The following KCNJ3 variants were observed in gnomAD, a reference collection of about 807,000 sequenced individuals.
KCNJ3 encodes the protein potassium inwardly rectifying channel subfamily J member 3.
A neutral mutation model predicts 39.2 loss-of-function variants in KCNJ3; 4 were observed. The observed-to-expected ratio is 0.10, with a 90% CI of 0.05 to 0.23. The LOEUF (loss-of-function observed/expected upper bound fraction) is 0.23. KCNJ3 is among the 10% of genes least tolerant of loss of function. KCNJ3 has a pLI of 1.00. For synonymous variants in KCNJ3, 230 were observed against 237.4 expected (o/e 0.97, Z 0.29); for missense variants, 276 against 634.9 (o/e 0.43, Z 6.08).
chr2:154,725,737 G>A (rs543289648), intron 2 of KCNJ3, among the ~76,000 whole-genome samples: 1 of 152,014 alleles, frequency 6.6e-6, no homozygotes, highest in African/African-American at 2.4e-5. Flanking sequence ...AAACAGCCTG[G>A]TATTGGTATA....
At position 154,771,458 on chromosome 2, in the gene KCNJ3, G is replaced by A. The variant is rs886895710; in HGVS notation, c.919+61639G>A. Among the ~76,000 whole-genome samples the A allele has an allele frequency of 3.9e-5, 6 of 152,188 alleles. No homozygotes were observed. In the East Asian group the frequency reaches 1.2e-3, roughly 29 times the overall value. On this transcript the variant is annotated intron_variant, in intron 2 of 2. Transcript: ENST00000295101. Reference sequence around the variant, plus strand: ...TGGAGAATTGCTTTATAATCATGGAGTGATCCTGTGAAAAGCTAACTTGAT... The same window carrying A: ...TGGAGAATTGCTTTATAATCATGGAATGATCCTGTGAAAAGCTAACTTGAT...
chr2:154,741,501 G>A (rs1307108059), intron 2 of KCNJ3, among the ~76,000 whole-genome samples: 3 of 151,584 alleles, frequency 2.0e-5, no homozygotes, highest in Non-Finnish European at 1.5e-5. Flanking sequence ...AGAATCGATT[G>A]TGTTAAGAAT....
intron 2 of KCNJ3, among the ~76,000 whole-genome samples, chr2:154,727,977 G>T (rs1234528786): frequency 6.6e-6 from 1 of 150,874 alleles, no homozygotes; most frequent in Non-Finnish European, 1.5e-5. Context: ...CCTGGAATTT[G>T]CTAAATAAAG....
chr2:154,807,899 ATCCCTCTTGGGTTC>A (rs1686940123), intron 2 of KCNJ3, among the ~76,000 whole-genome samples: 1 of 152,044 alleles, frequency 6.6e-6, no homozygotes, highest in African/African-American at 2.4e-5. Context: ...TCCCCACTCT[ATCCCTCTTGGGTTC>A]TAAGGTGTTT....
At chr2:154,776,969 T>C (rs1381710303) in intron 2 of KCNJ3, among the ~76,000 whole-genome samples, 2 of 152,126 alleles carry the variant, frequency 1.3e-5, no homozygotes, top group Non-Finnish European at 2.9e-5. Context: ...CACACTCCAT[T>C]TCTTAATGTT....
At chr2:154,782,772 T>G (rs1360590443) in intron 2 of KCNJ3, among the ~76,000 whole-genome samples, 3 of 152,164 alleles carry the variant, frequency 2.0e-5, no homozygotes, top group Non-Finnish European at 2.9e-5. Flanking sequence ...ACCTTGTTTA[T>G]TTTTTTCAGT....
At chr2:154,747,509 A>T (rs1685768144) in intron 2 of KCNJ3, among the ~76,000 whole-genome samples, 1 of 151,968 alleles carries the variant, frequency 6.6e-6, no homozygotes, top group African/African-American at 2.4e-5. Context: ...AGTGATACTA[A>T]TCTGTATTCT....
intron 2 of KCNJ3, among the ~76,000 whole-genome samples, chr2:154,756,090 T>A (rs1488514701): frequency 6.6e-6 from 1 of 152,116 alleles, no homozygotes; most frequent in Admixed American, 6.5e-5. Context: ...CGGGTTTAGA[T>A]CTTTATGTAA....
chr2:154,707,007 T>C (rs1314504611), intron 1 of KCNJ3, among the ~76,000 whole-genome samples: 2 of 152,144 alleles, frequency 1.3e-5, no homozygotes, highest in African/African-American at 4.8e-5. Context: ...GTTGAAATAT[T>C]TGGTGGCCTA....
rs1203454028 is a variant in KCNJ3 at position 154,855,621 on chromosome 2, A to AT, written c.*308_*309insT. 5.6e-5 allele frequency: 9 copies of AT among 160,302 alleles called. No homozygotes were observed. The East Asian group carries it at 9.6e-4, about 17-fold the overall frequency. 9.9% of individuals were successfully genotyped at this position (160,302 alleles called of 1,614,324 possible). Reference sequence around the variant, plus strand: ...TATTTATATTGTATATTCTGGAAAAAAAATATATATATATATTTAAAGGGG... The same window carrying AT: ...TATTTATATTGTATATTCTGGAAAAATAAATATATATATATATTTAAAGGGG... On this transcript the variant is annotated 3_prime_UTR_variant, in exon 3 of 3. Transcript: ENST00000295101.
intron 2 of KCNJ3, among the ~76,000 whole-genome samples, chr2:154,759,751 A>G (rs542187010): frequency 1.3e-5 from 2 of 152,132 alleles, no homozygotes; most frequent in African/African-American, 4.8e-5. Context: ...TTTAAAATGC[A>G]GGTAAATTGT....
intron 2 of KCNJ3, among the ~76,000 whole-genome samples, chr2:154,774,761 A>C (rs1464968429): frequency 6.6e-6 from 1 of 152,242 alleles, no homozygotes; most frequent in East Asian, 1.9e-4. Flanking sequence ...TAAGCCCTTT[A>C]GGATGTTACA....
chr2:154,842,353 C>T (rs1687590404), intron 2 of KCNJ3, among the ~76,000 whole-genome samples: 1 of 152,176 alleles, frequency 6.6e-6, no homozygotes, highest in Non-Finnish European at 1.5e-5. Flanking sequence ...GAGTGCTTTA[C>T]TTCCAATTAT....
chr2:154,847,849 T>C (rs1455883786), intron 2 of KCNJ3, among the ~76,000 whole-genome samples: 1 of 152,170 alleles, frequency 6.6e-6, no homozygotes, highest in Non-Finnish European at 1.5e-5. Flanking sequence ...GGATTCAGTG[T>C]TTGATGTTAG....
At chr2:154,841,846 C>G (rs1268751158) in intron 2 of KCNJ3, among the ~76,000 whole-genome samples, 1 of 151,958 alleles carries the variant, frequency 6.6e-6, no homozygotes, top group Non-Finnish European at 1.5e-5. Context: ...ATTAGTTTTT[C>G]TAGCTGTCTA....
In KCNJ3 at chr2:154,854,867, C is replaced by A. The variant is rs903173641; in HGVS notation, c.1060C>A (p.Pro354Thr). 9 of 1,614,018 alleles carry A rather than the reference C, an allele frequency of 5.6e-6. No individual in the cohort carries two copies. Among genetic ancestry groups the A allele is most frequent in the Non-Finnish European group, 7.6e-6 (9 of 1,179,954 alleles). Residue 354 changes from proline (P) to threonine (T), a missense_variant, in exon 3 of 3, where the codon CCA becomes ACA. Transcript: ENST00000295101. ...CCATGCAACATTTGAAGTCCCCACC[C>A]CACCTTACAGTGTGAAAGAGCAGGA... The part of the protein sequence containing the change: ...QFHATFEVPT[P>T]PYSVKEQEEM...
intron 1 of KCNJ3, chr2:154,709,304 C>A: frequency 2.4e-6 from 1 of 410,502 alleles, no homozygotes; most frequent in South Asian, 2.6e-5. Flanking sequence ...CACATGCACA[C>A]TCAGTTCCAC....
At chr2:154,836,297 G>C (rs763102928) in intron 2 of KCNJ3, among the ~76,000 whole-genome samples, 1 of 151,156 alleles carries the variant, frequency 6.6e-6, no homozygotes, top group Non-Finnish European at 1.5e-5. Context: ...CTACATTTTA[G>C]CATTAAACTT....
chr2:154,764,288 T>A (rs1294783223), intron 2 of KCNJ3, among the ~76,000 whole-genome samples: 3 of 152,322 alleles, frequency 2.0e-5, no homozygotes, highest in Admixed American at 2.0e-4. Context: ...CTTTGGTTGT[T>A]TTGTTTTGAT....
Sources: gnomAD v4.1 joint callset for allele counts (sites outside exome capture counted in the v4.1 genomes callset) on GRCh38, gnomAD v4.1.1 for gene constraint, MANE v1.5 for transcripts, NCBI Gene and HGNC (gene_info 2026-07-23, HGNC 2026-07-21) for gene names.